Variants in CELF2 observed in about 807,000 individuals in gnomAD.
The protein encoded by CELF2 is CUG triplet repeat RNA-binding protein 2.
CELF2 carries 8 observed loss-of-function variants against 62.6 expected under a neutral mutation model. That is an observed-to-expected ratio of 0.13 (90% confidence interval 0.07 to 0.23). The LOEUF (loss-of-function observed/expected upper bound fraction) is 0.23. CELF2 is among the 10% of genes least tolerant of loss of function. The pLI is 1.00. For synonymous variants in CELF2, 258 were observed against 250.0 expected (o/e 1.03, Z -0.30); for missense variants, 333 against 671.0 (o/e 0.50, Z 5.56).
At chr10:10,666,196 C>T in the CELF2 span, among the ~76,000 whole-genome samples, 1 of 152,208 alleles carries the variant, frequency 6.6e-6, no homozygotes, top group African/African-American at 2.4e-5. Context: ...TTTAACCTCT[C>T]CCTTTTCCAG....
At chr10:10,524,158 GA>G in the CELF2 span, among the ~76,000 whole-genome samples, 1 of 152,022 alleles carries the variant, frequency 6.6e-6, no homozygotes, top group East Asian at 1.9e-4. Context: ...AGAAATGGGG[GA>G]AGATGAAAAT....
intron 1 of CELF2, among the ~76,000 whole-genome samples, chr10:10,897,878 C>G (rs922856007): frequency 2.6e-5 from 4 of 152,164 alleles, no homozygotes; most frequent in Non-Finnish European, 5.9e-5. Context: ...CAGACATGTT[C>G]TACCTTTCTA....
chr10:10,879,020 G>C (rs571767469), intron 1 of CELF2, among the ~76,000 whole-genome samples: 1 of 152,048 alleles, frequency 6.6e-6, no homozygotes, highest in African/African-American at 2.4e-5. Context: ...TGTCTTTGCC[G>C]GGATGCACAA....
chr10:10,783,852 G>T, the CELF2 span, among the ~76,000 whole-genome samples: 1 of 152,150 alleles, frequency 6.6e-6, no homozygotes, highest in Non-Finnish European at 1.5e-5. Flanking sequence ...GCTGGGCGTG[G>T]TGGTACACAC....
rs1040096350 is a variant in CELF2 at position 11,220,099 on chromosome 10, A to G, written c.354+2592A>G. Among the ~76,000 whole-genome samples the G allele has an allele frequency of 1.3e-5, 2 of 152,270 alleles. No homozygotes were observed. The highest frequency in any genetic ancestry group is 4.8e-5 in the African/African-American group (2 of 41,470). On this transcript the variant is annotated intron_variant, in intron 3 of 12. Transcript: ENST00000633077. This position sits in a 1 kb window ranked among gnomAD's most constrained non-coding sequence, Gnocchi z 4.4. ...ACTAAAAGTGATAAAGAAAAAATAC[A>G]TCACCAGCTGACACTTTAAAGCTTT...
At position 10,838,041 on chromosome 10, in the gene CELF2, G is replaced by A. The variant is rs907250980; in HGVS notation, c.53+39224G>A. On this transcript the variant is annotated intron_variant, in intron 1 of 13. Transcript: ENST00000636488. ...TACCTAATGTCCTTTTTCTGTTCCC[G>A]ATTCCATCCAGGATGTCACAGTACA... Among the ~76,000 whole-genome samples the A allele has an allele frequency of 4.0e-4, 61 of 152,172 alleles. 1 individual carries two copies. Among genetic ancestry groups the A allele is most frequent in the Middle Eastern group, 6.8e-3 (2 of 294 alleles).
chr10:10,749,572 A>G, the CELF2 span, among the ~76,000 whole-genome samples: 1 of 152,252 alleles, frequency 6.6e-6, no homozygotes, highest in Non-Finnish European at 1.5e-5. Context: ...ATAGAGTCAT[A>G]GAATGGGATG....
At chr10:11,288,807 ACT>A (rs1261784176) in intron 9 of CELF2, among the ~76,000 whole-genome samples, 1 of 152,018 alleles carries the variant, frequency 6.6e-6, no homozygotes, top group African/African-American at 2.4e-5. Flanking sequence ...TCACACATTC[ACT>A]CTGTTTTAAA....
chr10:11,181,763 T>G (rs781303425), intron 2 of CELF2, among the ~76,000 whole-genome samples: 2 of 152,258 alleles, frequency 1.3e-5, no homozygotes, highest in African/African-American at 2.4e-5. Flanking sequence ...TGGTATACAT[T>G]ATAGGACCTC....
intron 2 of CELF2, among the ~76,000 whole-genome samples, chr10:11,212,796 G>C (rs369607217): frequency 1.4e-4 from 15 of 110,200 alleles, no homozygotes; most frequent in African/African-American, 5.1e-4. Context: ...ACAATGAATT[G>C]TTGAGGTCGC....
the CELF2 span, among the ~76,000 whole-genome samples, chr10:10,573,912 T>C: frequency 6.6e-6 from 1 of 152,142 alleles, no homozygotes; most frequent in Non-Finnish European, 1.5e-5. Context: ...TTTTTATTTA[T>C]ATATTATTCT....
chr10:10,880,105 G>C lies in CELF2; in HGVS notation c.54-39859G>C, dbSNP rs7098339. Among the ~76,000 whole-genome samples the C allele has an allele frequency of 3.0e-4, 46 of 152,096 alleles. No homozygotes were observed. In the East Asian group the frequency reaches 7.0e-3, roughly 23 times the overall value. On this transcript the variant is annotated intron_variant, in intron 1 of 13. Transcript: ENST00000636488. ...TTCCTCTCTTCAAGGAGCATAAATC[G>C]TAAGTCTAGGAATAACTAAATACAA...
rs1028762371 is a variant in CELF2, at chr10:11,145,566, C to T, written c.75-19920C>T. 6.6e-6 allele frequency among the ~76,000 whole-genome samples: 1 copy of T among 152,140 alleles called. No homozygotes were observed. Among genetic ancestry groups the T allele is most frequent in the Non-Finnish European group, 1.5e-5 (1 of 68,036 alleles). On this transcript the variant is annotated intron_variant, in intron 1 of 12. Transcript: ENST00000633077. The surrounding 1 kb of genome is among the most constrained non-coding windows in gnomAD (Gnocchi z 4.3). ...GAAATCTATATTCTCAAATCAGCTA[C>T]TGAAAAGGGTGGGGACGCTGAAGGC... is the stretch of plus-strand genomic sequence containing the variant.
At chr10:11,028,422 CTTTTT>C (rs5742072) in intron 1 of CELF2, among the ~76,000 whole-genome samples, 2 of 135,720 alleles carry the variant, frequency 1.5e-5, no homozygotes, top group Admixed American at 7.4e-5. Flanking sequence ...TTTTCTTTTT[CTTTTT>C]TTTTTTTTTT....
rs1392903639 is a variant in CELF2 at position 11,305,371 on chromosome 10, C to A, written c.977-8768C>A. On this transcript the variant is annotated intron_variant, in intron 9 of 12. Transcript: ENST00000633077. The surrounding 1 kb of genome is among the most constrained non-coding windows in gnomAD (Gnocchi z 4.8). ...TCATGCCCACACCTGGGTGCCGGCG[C>A]CCATCCTGCATCCCTCACGGGTACA... is the stretch of plus-strand genomic sequence containing the variant. Among the ~76,000 whole-genome samples, 2 of 152,190 alleles carry A rather than the reference C, an allele frequency of 1.3e-5. No homozygotes were observed. Among genetic ancestry groups the A allele is most frequent in the Non-Finnish European group, 2.9e-5 (2 of 68,042 alleles).
Position 11,156,287 on chromosome 10 carries a change from G to A in CELF2, c.75-9199G>A, listed in dbSNP as rs772046884. Among the ~76,000 whole-genome samples, 1 of 152,114 alleles carries A rather than the reference G, an allele frequency of 6.6e-6. No individual in the cohort carries two copies. The highest frequency in any genetic ancestry group is 1.5e-5 in the Non-Finnish European group (1 of 68,012). ...CGGGATAACATGGCTCTTAATAGTG[G>A]CGACAGATCACATGACGTGTGATTT... On this transcript the variant is annotated intron_variant, in intron 1 of 12. Transcript: ENST00000633077. The surrounding 1 kb of genome is among the most constrained non-coding windows in gnomAD (Gnocchi z 4.3).
the CELF2 span, among the ~76,000 whole-genome samples, chr10:10,496,266 G>T: frequency 6.6e-6 from 1 of 152,160 alleles, no homozygotes; most frequent in Non-Finnish European, 1.5e-5. Context: ...AATTACTGTT[G>T]AAAGACTATT....
chr10:10,866,982 A>T (rs1291518794), intron 1 of CELF2, among the ~76,000 whole-genome samples: 1 of 151,886 alleles, frequency 6.6e-6, no homozygotes, highest in African/African-American at 2.4e-5. Flanking sequence ...GGATGCAATT[A>T]TGCAGAATAA....
At chr10:10,614,070 T>C in the CELF2 span, among the ~76,000 whole-genome samples, 1 of 152,162 alleles carries the variant, frequency 6.6e-6, no homozygotes, top group Non-Finnish European at 1.5e-5. Flanking sequence ...TCTCCCCAGC[T>C]AGTGGAGAAT....
Sources: gnomAD v4.1 joint callset for allele counts (sites outside exome capture counted in the v4.1 genomes callset) on GRCh38, gnomAD v4.1.1 for gene constraint, Gnocchi (gnomAD v3.1) non-coding constraint, MANE v1.5 for transcripts, NCBI Gene and HGNC (gene_info 2026-07-23, HGNC 2026-07-21) for gene names.